SNX29: variants seen among roughly 807,000 people sequenced by gnomAD.
SNX29 encodes the protein sorting nexin-29.
In SNX29, 78 loss-of-function variants were observed where a neutral mutation model predicts 102.1. The observed-to-expected ratio is 0.76, with a 90% CI of 0.64 to 0.92. The LOEUF is 0.92. Among genes scored for constraint, SNX29 ranks in the 40% least tolerant of loss-of-function variants. SNX29 has a pLI of 0.00. For missense variants in SNX29, 1,280 were observed against 1,061.7 expected (o/e 1.21, Z -2.86); for synonymous variants, 580 against 414.5 (o/e 1.40, Z -4.85).
Position 12,569,804 on chromosome 16 carries a change from A to C in SNX29, c.*1175A>C, listed in dbSNP as rs1300266325. On this transcript the variant is annotated 3_prime_UTR_variant, in exon 21 of 21. Transcript: ENST00000566228. ...CAATAGCCGTCCTCAGATGCTCAGC[A>C]AAGTTGTGGCAGTTTGCATTTCTAG... 4.3e-6 allele frequency: 1 copy of C among 230,412 alleles called. No individual in the cohort carries two copies. Among genetic ancestry groups the C allele is most frequent in the Non-Finnish European group, 8.6e-6 (1 of 116,244 alleles). 14.3% of individuals were successfully genotyped at this position (230,412 alleles called of 1,614,324 possible). A position where few individuals can be genotyped will look rare whatever the true frequency, so the allele number is the denominator to read the frequency against.
chr16:12,176,274 CT>C (rs1182893339), intron 13 of SNX29, among the ~76,000 whole-genome samples: 1 of 152,228 alleles, frequency 6.6e-6, no homozygotes, highest in Non-Finnish European at 1.5e-5. Flanking sequence ...AGTGATGTCT[CT>C]TCTCCCAGCT....
At chr16:12,369,613 C>A (rs1285186911) in intron 16 of SNX29, among the ~76,000 whole-genome samples, 1 of 152,164 alleles carries the variant, frequency 6.6e-6, no homozygotes, top group Non-Finnish European at 1.5e-5. Context: ...TGGACCCTCC[C>A]AGTGCTTTCC....
intron 19 of SNX29, among the ~76,000 whole-genome samples, chr16:12,483,529 C>G (rs936726557): frequency 6.6e-6 from 1 of 152,030 alleles, no homozygotes; most frequent in Admixed American, 6.5e-5. Flanking sequence ...GTTGGTCAGG[C>G]TGGTCTCGAA....
chr16:12,162,279 C>T (rs752680865), intron 13 of SNX29, among the ~76,000 whole-genome samples: 3 of 152,336 alleles, frequency 2.0e-5, no homozygotes, highest in Non-Finnish European at 1.5e-5. Context: ...TCTCATCGTC[C>T]ATCCTAGTAC....
chr16:12,533,220 C>G (rs977813181), intron 20 of SNX29, among the ~76,000 whole-genome samples: 28 of 152,370 alleles, frequency 1.8e-4, no homozygotes, highest in African/African-American at 6.0e-4. Flanking sequence ...GGACACTTTG[C>G]TGCTGTTTTG....
intron 20 of SNX29, among the ~76,000 whole-genome samples, chr16:12,534,754 T>C (rs2077025567): frequency 6.6e-6 from 1 of 152,194 alleles, no homozygotes; most frequent in South Asian, 2.1e-4. Context: ...CCCAAGTGGC[T>C]TTCTTTCTGC....
chr16:12,028,524 C>T (rs903064293), intron 4 of SNX29, among the ~76,000 whole-genome samples: 3 of 151,552 alleles, frequency 2.0e-5, no homozygotes, highest in Non-Finnish European at 4.4e-5. Flanking sequence ...CCACCATGCC[C>T]GGCTGGTTTT....
chr16:12,464,019 TC>T (rs1567590290), intron 18 of SNX29, among the ~76,000 whole-genome samples: 1 of 151,592 alleles, frequency 6.6e-6, no homozygotes, highest in Admixed American at 6.6e-5. Flanking sequence ...CCCCTATCCA[TC>T]CCCCCAGCCC....
chr16:12,523,026 G>A (rs1349902030), intron 19 of SNX29, among the ~76,000 whole-genome samples: 1 of 152,104 alleles, frequency 6.6e-6, no homozygotes, highest in African/African-American at 2.4e-5. Flanking sequence ...TACCCAGGCT[G>A]GTCTCAAACT....
In SNX29 at chr16:12,568,726, T is replaced by G. The variant is rs180884841; in HGVS notation, c.*97T>G. On this transcript the variant is annotated 3_prime_UTR_variant, in exon 21 of 21. Transcript: ENST00000566228. The stretch of plus-strand genomic sequence containing the variant: ...CCCTCACCTCAGCGTGACAACCACG[T>G]CCACCTGGTGATCCTGAGAGCACAC... 8.0e-6 allele frequency: 12 copies of G among 1,508,924 alleles called. No homozygotes were observed. The African/African-American group carries it at 1.2e-4, about 16-fold the overall frequency. 93.5% of individuals were successfully genotyped at this position (1,508,924 alleles called of 1,614,324 possible). A position where few individuals can be genotyped will look rare whatever the true frequency, so the allele number is the denominator to read the frequency against.
At chr16:12,261,704 G>T (rs1461540421) in intron 14 of SNX29, among the ~76,000 whole-genome samples, 1 of 129,638 alleles carries the variant, frequency 7.7e-6, no homozygotes, top group Non-Finnish European at 1.6e-5. Flanking sequence ...CTGAGCTCGG[G>T]TCTGTGCGTG....
At chr16:12,275,650 C>A (rs1469230035) in intron 14 of SNX29, among the ~76,000 whole-genome samples, 4 of 149,218 alleles carry the variant, frequency 2.7e-5, no homozygotes, top group Non-Finnish European at 5.9e-5. Flanking sequence ...CTACCTGATT[C>A]TTAGCTTCTG....
chr16:12,429,033 T>C (rs939509561), intron 18 of SNX29, among the ~76,000 whole-genome samples: 23 of 152,238 alleles, frequency 1.5e-4, no homozygotes, highest in African/African-American at 5.5e-4. Flanking sequence ...AATTAATATC[T>C]CCTAGTTAAT....
At chr16:12,421,790 A>G (rs2084880737) in intron 18 of SNX29, among the ~76,000 whole-genome samples, 1 of 151,858 alleles carries the variant, frequency 6.6e-6, no homozygotes, top group Non-Finnish European at 1.5e-5. Flanking sequence ...CATCATCATC[A>G]CCAACCATCA....
Position 12,569,118 on chromosome 16 carries a change from TTTGCGGGG to T in SNX29, c.*490_*497del, listed in dbSNP as rs1339346322. On this transcript the variant is annotated 3_prime_UTR_variant, in exon 21 of 21. Coordinates refer to ENST00000566228, the MANE Select transcript of SNX29 (RefSeq NM_032167.5). Reference sequence around the variant, plus strand: ...CTGGCCTAACCTAGGGATGGCTGGCTTTGCGGGGGGGGGGGGGGGGGGGGGCATGGTTC... The same window carrying T: ...CTGGCCTAACCTAGGGATGGCTGGCTGGGGGGGGGGGGGGGGGCATGGTTC... The T allele has an allele frequency of 1.4e-3, 31 of 21,398 alleles. No homozygotes were observed. Among genetic ancestry groups the T allele is most frequent in the Non-Finnish European group, 2.7e-3 (30 of 11,212 alleles). 1.3% of individuals were successfully genotyped at this position (21,398 alleles called of 1,614,324 possible).
At chr16:12,069,000 A>G in intron 9 of SNX29, 57 bp from the exon 10 acceptor site, 2 of 1,537,090 alleles carry the variant, frequency 1.3e-6, no homozygotes, top group East Asian at 2.3e-5. Context: ...TCTTTGTCTT[A>G]TGGAGAACAT....
chr16:12,026,591 ATTTC>A (rs1224913928), intron 3 of SNX29, among the ~76,000 whole-genome samples: 2 of 152,160 alleles, frequency 1.3e-5, no homozygotes, highest in Non-Finnish European at 2.9e-5. Flanking sequence ...TGAATCTCCT[ATTTC>A]TTTGGTTATT....
intron 18 of SNX29, among the ~76,000 whole-genome samples, chr16:12,437,555 G>A (rs2085593092): frequency 6.6e-6 from 1 of 152,190 alleles, no homozygotes; most frequent in Admixed American, 6.5e-5. Context: ...AATGGGGCTG[G>A]CAGGTAGACA....
At chr16:12,049,491 C>T (rs1181978460) in intron 7 of SNX29, among the ~76,000 whole-genome samples, 2 of 152,064 alleles carry the variant, frequency 1.3e-5, no homozygotes, top group South Asian at 2.1e-4. Flanking sequence ...TGCCAACATG[C>T]GTGGTTTCTT....
Sources: gnomAD v4.1 joint callset for allele counts (sites outside exome capture counted in the v4.1 genomes callset) on GRCh38, gnomAD v4.1.1 for gene constraint, MANE v1.5 for transcripts, NCBI Gene and HGNC (gene_info 2026-07-23, HGNC 2026-07-21) for gene names.